The following ACACB variants were observed in gnomAD, a reference collection of about 807,000 sequenced individuals.
ACACB encodes the protein acetyl-CoA carboxylase beta, also known as acetyl-CoA carboxylase 2.
Under a neutral mutation model 278.8 loss-of-function variants are expected in ACACB, and 209 were observed. The ratio of observed to expected loss-of-function variants is 0.75; its 90% CI spans 0.67 to 0.84. The LOEUF (loss-of-function observed/expected upper bound fraction) is 0.84. Among genes scored for constraint, ACACB ranks in the 40% least tolerant of loss-of-function variants. The probability of loss-of-function intolerance (pLI) is 0.00; values close to 1 mark genes in which losing one functional copy is unlikely to be tolerated. For synonymous variants in ACACB, 1,174 were observed against 1,285.6 expected (o/e 0.91, Z 1.86); for missense variants, 2,850 against 3,269.0 (o/e 0.87, Z 3.13).
chr12:109,208,167 C>G (rs753192258), intron 20 of ACACB, among the ~76,000 whole-genome samples: 1 of 152,006 alleles, frequency 6.6e-6, no homozygotes, highest in East Asian at 1.9e-4. Context: ...TGACTCTGTG[C>G]TCTTCGCCCC....
At chr12:109,204,892 G>A (rs919062200) in intron 19 of ACACB, among the ~76,000 whole-genome samples, 9 of 151,952 alleles carry the variant, frequency 5.9e-5, no homozygotes, top group Admixed American at 5.9e-4. Flanking sequence ...TGTCACCCAG[G>A]CTGGTGTGCA....
At chr12:109,249,944 G>T in intron 40 of ACACB, 40 bp from the exon 41 acceptor site, 1 of 1,568,220 alleles carries the variant, frequency 6.4e-7, no homozygotes, top group Non-Finnish European at 8.6e-7. Context: ...GGATTTTTTG[G>T]GGCTAGAGCC....
chr12:109,254,430 G>C, intron 44 of ACACB, 96 bp downstream of exon 44: 2 of 1,244,940 alleles, frequency 1.6e-6, no homozygotes, highest in Non-Finnish European at 2.2e-6. Flanking sequence ...TGAGACAAAG[G>C]CTTGATATTC....
chr12:109,155,343 A>T (rs1171587749), intron 2 of ACACB, among the ~76,000 whole-genome samples: 1 of 152,188 alleles, frequency 6.6e-6, no homozygotes, highest in Non-Finnish European at 1.5e-5. Flanking sequence ...GCTCTCATTG[A>T]GGGTCATTTT....
At chr12:109,131,246 T>G (rs1425035294) in intron 1 of ACACB, 2 of 152,498 alleles carry the variant, frequency 1.3e-5, no homozygotes, top group African/African-American at 2.4e-5. Context: ...ACTGCCAACT[T>G]GGGGGAACGC....
At chr12:109,181,751 C>G (rs1340842826) in intron 11 of ACACB, among the ~76,000 whole-genome samples, 1 of 151,184 alleles carries the variant, frequency 6.6e-6, no homozygotes, top group Non-Finnish European at 1.5e-5. Context: ...AGTGGTTGTA[C>G]TAATTTTCAG....
chr12:109,228,658 C>T (rs1340413133), intron 28 of ACACB, among the ~76,000 whole-genome samples: 2 of 72,574 alleles, frequency 2.8e-5, no homozygotes, highest in African/African-American at 9.5e-5. Context: ...AACTCTGTCT[C>T]AAAAAAAAAA....
At chr12:109,232,901 G>A in intron 29 of ACACB, 95 bp downstream of exon 29, 2 of 1,464,268 alleles carry the variant, frequency 1.4e-6, no homozygotes, top group Admixed American at 1.9e-5. Context: ...GATGGGGTGG[G>A]AGAGACCCAG....
intron 37 of ACACB, 174 bp downstream of exon 37, chr12:109,242,766 T>C (rs1463423275): frequency 1.4e-6 from 1 of 698,192 alleles, no homozygotes; most frequent in Non-Finnish European, 2.3e-6. Context: ...GGAGGGAGGA[T>C]TGCTTGAGCC....
chr12:109,167,837 C>T (rs554442545), intron 3 of ACACB, 59 bp from the exon 4 acceptor site: 8 of 1,611,694 alleles, frequency 5.0e-6, no homozygotes, highest in East Asian at 2.2e-5. Flanking sequence ...CGGGGTAGCA[C>T]GTGGCCCCCA....
At chr12:109,140,117 C>T in intron 2 of ACACB, 59 bp downstream of exon 2, 7 of 1,488,318 alleles carry the variant, frequency 4.7e-6, no homozygotes, top group South Asian at 2.8e-5. Context: ...GGTCCACACC[C>T]TTCCCAACCT....
At chr12:109,189,188 G>A (rs1047034890) in intron 13 of ACACB, among the ~76,000 whole-genome samples, 4 of 152,048 alleles carry the variant, frequency 2.6e-5, no homozygotes, top group Non-Finnish European at 5.9e-5. Context: ...ACTGCCCTTC[G>A]GAGTGAAAAA....
intron 12 of ACACB, among the ~76,000 whole-genome samples, chr12:109,187,380 A>G (rs1252319715): frequency 6.6e-6 from 1 of 152,048 alleles, no homozygotes; most frequent in Non-Finnish European, 1.5e-5. Flanking sequence ...ATCAATCATC[A>G]ATGTTCGCCC....
intron 9 of ACACB, 146 bp from the exon 10 acceptor site, chr12:109,178,942 A>T (rs1263355389): frequency 1.3e-6 from 1 of 780,926 alleles, no homozygotes; most frequent in African/African-American, 1.7e-5. Flanking sequence ...TGTCTGTGAG[A>T]CAACAAAAGT....
rs769283877 is a variant in ACACB at position 109,172,360 on chromosome 12, G to A, written c.1117+4G>A. On this transcript the variant is annotated splice_donor_region_variant and intron_variant, in intron 6 of 52. Coordinates refer to ENST00000338432, the MANE Select transcript of ACACB (RefSeq NM_001093.4). Reference sequence around the variant, plus strand: ...AAGAATGGAGTTGCTTTCTTAGGTAGAGTGTGTCCCCATCAGATACATGGG... The same window carrying A: ...AAGAATGGAGTTGCTTTCTTAGGTAAAGTGTGTCCCCATCAGATACATGGG... The A allele has an allele frequency of 3.1e-5, 50 of 1,613,900 alleles. No individual in the cohort carries two copies. Among genetic ancestry groups the A allele is most frequent in the Admixed American group, 1.7e-4 (10 of 59,982 alleles).
At chr12:109,261,869 T>TA (rs553780682) in intron 48 of ACACB, among the ~76,000 whole-genome samples, 1,787 of 66,722 alleles carry the variant, frequency 0.027, 31 homozygotes, top group African/African-American at 0.095. Flanking sequence ...AGACCCTGTC[T>TA]AAAAAAAAAA....
chr12:109,217,593 G>A (rs1474117455), intron 24 of ACACB, among the ~76,000 whole-genome samples: 5 of 152,062 alleles, frequency 3.3e-5, no homozygotes, highest in Admixed American at 3.3e-4. Flanking sequence ...GAGGCCAGGA[G>A]TTTGAGACGA....
At chr12:109,249,819 C>A in intron 40 of ACACB, 165 bp from the exon 41 acceptor site, 1 of 731,406 alleles carries the variant, frequency 1.4e-6, no homozygotes, top group Non-Finnish European at 2.1e-6. Context: ...GAAATCTTAG[C>A]ACTCATTTTG....
chr12:109,232,640 C>A, intron 28 of ACACB, 29 bp from the exon 29 acceptor site: 1 of 1,607,178 alleles, frequency 6.2e-7, no homozygotes, highest in Non-Finnish European at 8.5e-7. Context: ...AAGCAGCTGC[C>A]TCATCCCCGA....
Sources: gnomAD v4.1 joint callset for allele counts (sites outside exome capture counted in the v4.1 genomes callset) on GRCh38, gnomAD v4.1.1 for gene constraint, MANE v1.5 for transcripts, NCBI Gene and HGNC (gene_info 2026-07-23, HGNC 2026-07-21) for gene names.